Variants in TRAF3IP3 observed in about 807,000 individuals in gnomAD.
The protein encoded by TRAF3IP3 is TRAF3 interacting protein 3.
TRAF3IP3 carries 64 observed loss-of-function variants against 86.5 expected under a neutral mutation model. The observed-to-expected ratio is 0.74, with a 90% CI of 0.60 to 0.91. TRAF3IP3 has a LOEUF of 0.91. TRAF3IP3 is among the 40% of genes least tolerant of loss of function. The pLI is 0.00. For missense variants in TRAF3IP3, 579 were observed against 642.9 expected, an observed-to-expected ratio of 0.90 and a Z score of 1.07; for synonymous variants, 220 against 243.9, an observed-to-expected ratio of 0.90 and a Z score of 0.91.
intron 1 of TRAF3IP3, 176 bp from the exon 2 acceptor site, chr1:209,758,858 G>C (rs1324767682): frequency 6.5e-6 from 1 of 152,734 alleles, no homozygotes; most frequent in Admixed American, 6.5e-5. Context: ...ACAGAAGGTA[G>C]GTGGGGAAGA....
chr1:209,781,693 AAAGT>A, intron 16 of TRAF3IP3: 1 of 495,704 alleles, frequency 2.0e-6, no homozygotes, highest in Non-Finnish European at 3.6e-6. Flanking sequence ...ACTCTTAGCT[AAAGT>A]ATGAAAGGGT....
At chr1:209,768,110 CA>C in intron 8 of TRAF3IP3, 1 of 983,644 alleles carries the variant, frequency 1.0e-6, no homozygotes, top group Non-Finnish European at 1.2e-6. Context: ...GCCTCAACTC[CA>C]ATAAAAGTAT....
chr1:209,778,338 C>T lies in TRAF3IP3; in HGVS notation c.1252+165C>T. On this transcript the variant is annotated intron_variant, in intron 13 of 16. Transcript: ENST00000367025. The stretch of plus-strand genomic sequence containing the variant: ...AAAGTGAGGTCATTTACATAGCTCT[C>T]CATAAATTATGTGTTAGCCTCTGTT... The T allele has an allele frequency of 5.4e-6, 3 of 554,738 alleles. No homozygotes were observed. In the South Asian group the frequency reaches 7.7e-5, roughly 14 times the overall value. 34.4% of individuals were successfully genotyped at this position (554,738 alleles called of 1,614,324 possible).
At chr1:209,768,173 C>T in intron 8 of TRAF3IP3, 11 of 985,468 alleles carry the variant, frequency 1.1e-5, no homozygotes, top group Non-Finnish European at 1.3e-5. Flanking sequence ...GTGGCCAGAA[C>T]TGGTTCAGAC....
At chr1:209,778,350 T>C (rs1196052620) in intron 13 of TRAF3IP3, 177 bp downstream of exon 13, 1 of 526,654 alleles carries the variant, frequency 1.9e-6, no homozygotes, top group African/African-American at 2.0e-5. Context: ...ATAAATTATG[T>C]GTTAGCCTCT....
intron 6 of TRAF3IP3, 130 bp from the exon 7 acceptor site, chr1:209,763,233 C>T (rs1416155987): frequency 7.3e-7 from 1 of 1,379,186 alleles, no homozygotes; most frequent in African/African-American, 1.4e-5. Flanking sequence ...GACATGGGGA[C>T]TAAAGGGACC....
At chr1:209,773,127 C>A in intron 9 of TRAF3IP3, 108 bp downstream of exon 9, 2 of 941,848 alleles carry the variant, frequency 2.1e-6, no homozygotes, top group Non-Finnish European at 1.6e-6. Context: ...TAGAGAATAA[C>A]ACACCCATTC....
At chr1:209,763,630 T>C (rs774172876) in intron 8 of TRAF3IP3, 43 bp downstream of exon 8, 5 of 1,481,096 alleles carry the variant, frequency 3.4e-6, no homozygotes, top group South Asian at 2.3e-5. Context: ...TGGGCTTCTA[T>C]GTGTTCCCAT....
At chr1:209,779,803 G>T in intron 14 of TRAF3IP3, 1 of 400,642 alleles carries the variant, frequency 2.5e-6, no homozygotes, top group Non-Finnish European at 4.5e-6. Context: ...GTATACAGAG[G>T]GGCAATAGCT....
chr1:209,765,853 G>A (rs1402644002), intron 8 of TRAF3IP3, among the ~76,000 whole-genome samples: 1 of 152,134 alleles, frequency 6.6e-6, no homozygotes, highest in Non-Finnish European at 1.5e-5. Context: ...ACACAAATAT[G>A]TCATTAGAAA....
chr1:209,761,765 T>C (rs1365476756), intron 3 of TRAF3IP3, among the ~76,000 whole-genome samples: 5 of 152,214 alleles, frequency 3.3e-5, no homozygotes, highest in African/African-American at 4.8e-5. Flanking sequence ...GACTGAGACC[T>C]AGAAAAGATG....
intron 8 of TRAF3IP3, among the ~76,000 whole-genome samples, chr1:209,770,641 GTGCACA>G (rs1388724557): frequency 6.8e-6 from 1 of 147,208 alleles, no homozygotes; most frequent in East Asian, 2.1e-4. Flanking sequence ...GCAGGTGGAG[GTGCACA>G]TGTGCATGTG....
chr1:209,768,129 A>C lies in TRAF3IP3; in HGVS notation c.702+4542A>C, dbSNP rs2077392463. ...CAACTCCAATAAAAGTATAGCCCCAAACTGTGGTATCTGGGAAAAATAATT... is the reference window on the plus strand; with the variant it reads ...CAACTCCAATAAAAGTATAGCCCCACACTGTGGTATCTGGGAAAAATAATT... On this transcript the variant is annotated intron_variant, in intron 8 of 16. Coordinates refer to ENST00000367025, the MANE Select transcript of TRAF3IP3 (RefSeq NM_025228.4). 3.0e-6 allele frequency: 3 copies of C among 985,224 alleles called. No individual in the cohort carries two copies. The Admixed American group carries it at 1.8e-4, about 61-fold the overall frequency. 61.0% of individuals were successfully genotyped at this position (985,224 alleles called of 1,614,324 possible). A position where few individuals can be genotyped will look rare whatever the true frequency, so the allele number is the denominator to read the frequency against.
At chr1:209,765,494 C>T (rs1571923409) in intron 8 of TRAF3IP3, among the ~76,000 whole-genome samples, 1 of 151,894 alleles carries the variant, frequency 6.6e-6, no homozygotes, top group African/African-American at 2.4e-5. Flanking sequence ...GGCAAAACCT[C>T]GTCTCTACTA....
chr1:209,762,208 C>T (rs1192549396), intron 3 of TRAF3IP3, among the ~76,000 whole-genome samples: 4 of 152,318 alleles, frequency 2.6e-5, no homozygotes, highest in Admixed American at 2.6e-4. Context: ...AGATGGCCTT[C>T]TTCTCATTGT....
chr1:209,780,802 T>A, intron 15 of TRAF3IP3, 196 bp downstream of exon 15: 1 of 386,048 alleles, frequency 2.6e-6, no homozygotes. Flanking sequence ...CAACTCCTAT[T>A]CAAGGTTTTA....
chr1:209,764,238 G>C (rs1349983290), intron 8 of TRAF3IP3, among the ~76,000 whole-genome samples: 1 of 152,196 alleles, frequency 6.6e-6, no homozygotes, highest in Non-Finnish European at 1.5e-5. Flanking sequence ...TAGGGTTCTT[G>C]CTTTGAGAAG....
chr1:209,777,795 G>T, intron 12 of TRAF3IP3: 2 of 509,120 alleles, frequency 3.9e-6, no homozygotes, highest in Admixed American at 7.3e-5. Flanking sequence ...GTCCTAATTT[G>T]AAAGGGAAAG....
At position 209,756,061 on chromosome 1, in the gene TRAF3IP3, C is replaced by A. The variant is rs2077151499; in HGVS notation, c.-408C>A. On this transcript the variant is annotated 5_prime_UTR_variant, in exon 1 of 17. Transcript: ENST00000367025. ...AGTTCAGGGGCCCACTTAGATGATA[C>A]CAGAGAGCAAGAGAGAGGAACTGGG... 6.6e-6 allele frequency: 1 copy of A among 152,228 alleles called. No homozygotes were observed. The highest frequency in any genetic ancestry group is 2.4e-5 in the African/African-American group (1 of 41,440). The allele number at this position is 152,228 out of a possible 1,614,324, so 9.4% of individuals were successfully genotyped here. A position where few individuals can be genotyped will look rare whatever the true frequency, so the allele number is the denominator to read the frequency against.
Sources: gnomAD v4.1 joint callset for allele counts (sites outside exome capture counted in the v4.1 genomes callset) on GRCh38, gnomAD v4.1.1 for gene constraint, MANE v1.5 for transcripts, NCBI Gene and HGNC (gene_info 2026-07-23, HGNC 2026-07-21) for gene names.